Variants in ABTB3 observed in about 807,000 individuals in gnomAD.
ABTB3 encodes ankyrin repeat and BTB domain containing 3.
the ABTB3 span, among the ~76,000 whole-genome samples, chr12:107,325,412 G>C: frequency 1.3e-5 from 2 of 152,210 alleles, no homozygotes; most frequent in Non-Finnish European, 2.9e-5. Flanking sequence ...AGCTGTAGCA[G>C]TATCTGTGCT....
chr12:107,562,037 T>C, the ABTB3 span, among the ~76,000 whole-genome samples: 1 of 152,230 alleles, frequency 6.6e-6, no homozygotes, highest in South Asian at 2.1e-4. Flanking sequence ...TCTTTTCTCA[T>C]GCTTTTCACA....
the ABTB3 span, among the ~76,000 whole-genome samples, chr12:107,392,655 C>T: frequency 6.6e-6 from 1 of 152,178 alleles, no homozygotes; most frequent in African/African-American, 2.4e-5. Flanking sequence ...TCTCTGTTCT[C>T]CCCTTCCATA....
the ABTB3 span, among the ~76,000 whole-genome samples, chr12:107,561,340 A>T: frequency 6.6e-6 from 1 of 152,132 alleles, no homozygotes; most frequent in Admixed American, 6.5e-5. Context: ...TTCTGGAAGT[A>T]CTGTCCCTCT....
chr12:107,374,573 G>A, the ABTB3 span, among the ~76,000 whole-genome samples: 1 of 152,200 alleles, frequency 6.6e-6, no homozygotes, highest in African/African-American at 2.4e-5. Context: ...GCTGGGACCA[G>A]GATTCTTGGC....
chr12:107,497,288 C>G, the ABTB3 span, among the ~76,000 whole-genome samples: 1 of 151,312 alleles, frequency 6.6e-6, no homozygotes, highest in Non-Finnish European at 1.5e-5. Context: ...ATCCTCAACA[C>G]CACCACCATC....
chr12:107,346,682 A>G, the ABTB3 span, among the ~76,000 whole-genome samples: 1 of 152,074 alleles, frequency 6.6e-6, no homozygotes, highest in African/African-American at 2.4e-5. Flanking sequence ...GATGATCTCA[A>G]TCTCCTGACC....
the ABTB3 span, among the ~76,000 whole-genome samples, chr12:107,454,701 G>T: frequency 6.6e-6 from 1 of 152,322 alleles, no homozygotes; most frequent in East Asian, 1.9e-4. Context: ...CTGGGCAGCA[G>T]CAGGAGGTCT....
At chr12:107,529,216 T>A in the ABTB3 span, among the ~76,000 whole-genome samples, 3 of 149,698 alleles carry the variant, frequency 2.0e-5, no homozygotes, top group South Asian at 2.2e-4. Flanking sequence ...ATGATGGAGA[T>A]GATGATGGTG....
the ABTB3 span, among the ~76,000 whole-genome samples, chr12:107,577,120 G>A: frequency 2.1e-3 from 319 of 152,290 alleles, 1 homozygote; most frequent in African/African-American, 7.1e-3. Context: ...CTTCATTTGT[G>A]TATCATCTGT....
At chr12:107,586,302 G>A in the ABTB3 span, among the ~76,000 whole-genome samples, 10 of 151,952 alleles carry the variant, frequency 6.6e-5, no homozygotes, top group Admixed American at 6.6e-4. Context: ...TTCAGACCTC[G>A]GGCCTCCCCC....
At chr12:107,429,557 C>G in the ABTB3 span, among the ~76,000 whole-genome samples, 667 of 152,252 alleles carry the variant, frequency 4.4e-3, 3 homozygotes, top group African/African-American at 0.015. Context: ...CTGCCAGGTT[C>G]GAATTGCAAG....
At chr12:107,426,171 C>T in the ABTB3 span, among the ~76,000 whole-genome samples, 3 of 152,232 alleles carry the variant, frequency 2.0e-5, no homozygotes, top group South Asian at 6.2e-4. Context: ...CAGCACTTCA[C>T]AGCGGTGCCG....
the ABTB3 span, among the ~76,000 whole-genome samples, chr12:107,447,886 C>T: frequency 2.0e-4 from 30 of 152,280 alleles, no homozygotes; most frequent in South Asian, 3.3e-3. Flanking sequence ...GAGCTCCCTC[C>T]GGGTCAGCCC....
chr12:107,425,153 G>A, the ABTB3 span, among the ~76,000 whole-genome samples: 51 of 152,250 alleles, frequency 3.3e-4, no homozygotes, highest in African/African-American at 1.0e-3. Flanking sequence ...GACAGTCCAC[G>A]GCCCTGCCAT....
the ABTB3 span, among the ~76,000 whole-genome samples, chr12:107,394,120 GC>G: frequency 6.6e-5 from 10 of 152,124 alleles, no homozygotes; most frequent in Non-Finnish European, 1.5e-4. Flanking sequence ...GCTTCCTGAA[GC>G]CCCATCAATC....
At chr12:107,444,865 A>T in the ABTB3 span, among the ~76,000 whole-genome samples, 1 of 152,120 alleles carries the variant, frequency 6.6e-6, no homozygotes, top group Non-Finnish European at 1.5e-5. Flanking sequence ...TGTGAATGAG[A>T]GGGAGCAAAG....
the ABTB3 span, among the ~76,000 whole-genome samples, chr12:107,537,300 G>A: frequency 6.6e-6 from 1 of 152,144 alleles, no homozygotes; most frequent in African/African-American, 2.4e-5. Context: ...CAAGAACCAA[G>A]TTCTAATGTT....
the ABTB3 span, among the ~76,000 whole-genome samples, chr12:107,428,813 G>A: frequency 3.9e-5 from 6 of 152,256 alleles, no homozygotes; most frequent in Admixed American, 6.5e-5. Flanking sequence ...GCGTCTGCTC[G>A]GTGCCAGGCA....
At chr12:107,420,284 A>G in the ABTB3 span, among the ~76,000 whole-genome samples, 2 of 152,146 alleles carry the variant, frequency 1.3e-5, no homozygotes, top group Non-Finnish European at 2.9e-5. Flanking sequence ...GTATTAGTCC[A>G]TTTTCATACT....
Sources: gnomAD v4.1 joint callset for allele counts (sites outside exome capture counted in the v4.1 genomes callset) on GRCh38, gnomAD v4.1.1 for gene constraint, MANE v1.5 for transcripts, NCBI Gene and HGNC (gene_info 2026-07-23, HGNC 2026-07-21) for gene names.